Variants in NAPEPLD observed in about 807,000 individuals in gnomAD.
NAPEPLD encodes N-acyl phosphatidylethanolamine phospholipase D, also known as N-acyl-phosphatidylethanolamine-hydrolyzing phospholipase D.
A neutral mutation model predicts 38.1 loss-of-function variants in NAPEPLD; 23 were observed. The observed-to-expected ratio is 0.60, with a 90% CI of 0.43 to 0.86. NAPEPLD has a LOEUF of 0.86. NAPEPLD is among the 40% of genes least tolerant of loss of function. The probability of loss-of-function intolerance (pLI) is 0.00; values close to 1 mark genes in which losing one functional copy is unlikely to be tolerated. For missense variants in NAPEPLD, 411 were observed against 476.8 expected (o/e 0.86, Z 1.28); for synonymous variants, 147 against 162.0 (o/e 0.91, Z 0.71).
chr7:103,112,112 G>A (rs1804643246), intron 4 of NAPEPLD, among the ~76,000 whole-genome samples: 1 of 152,278 alleles, frequency 6.6e-6, no homozygotes, highest in Middle Eastern at 3.4e-3. Context: ...AACAGATGCT[G>A]GAGTGGATGT....
chr7:103,140,858 T>A (rs1449031710), intron 1 of NAPEPLD, among the ~76,000 whole-genome samples: 1 of 152,172 alleles, frequency 6.6e-6, no homozygotes, highest in Non-Finnish European at 1.5e-5. Flanking sequence ...AAACTCATGA[T>A]ACTAATGGTG....
chr7:103,126,608 G>GT (rs1807847050), intron 2 of NAPEPLD, among the ~76,000 whole-genome samples: 1 of 135,932 alleles, frequency 7.4e-6, no homozygotes, highest in Non-Finnish European at 1.6e-5. Context: ...AATTTTTTTT[G>GT]TTTTGTTTTG....
chr7:103,103,312 G>T lies in NAPEPLD; in HGVS notation c.*117C>A. 2.4e-6 allele frequency: 3 copies of T among 1,227,634 alleles called. No individual in the cohort carries two copies. Among genetic ancestry groups the T allele is most frequent in the Non-Finnish European group, 3.4e-6 (3 of 891,292 alleles). 76.0% of individuals were successfully genotyped at this position (1,227,634 alleles called of 1,614,324 possible). A position where few individuals can be genotyped will look rare whatever the true frequency, so the allele number is the denominator to read the frequency against. On this transcript the variant is annotated 3_prime_UTR_variant, in exon 5 of 5. Transcript: ENST00000465647. The stretch of plus-strand genomic sequence containing the variant: ...TACACAAAACATAAAACATAAACTT[G>T]CAGAAGTTGTTTCCAAATGTAAAAT...
At position 103,119,994 on chromosome 7, in the gene NAPEPLD, A is replaced by C. The variant is rs1390912632; in HGVS notation, c.524T>G (p.Leu175Arg). Residue 175 changes from leucine to arginine, a missense_variant, in exon 3 of 5, where the codon CTC becomes CGC. Physicochemically the swap from Leu to Arg is moderately radical, Grantham distance 102. Transcript: ENST00000465647. ...FRRSPCTISE[L>R]PPIDAVLISH... is the part of the protein sequence containing the mutation. ...GATAAGGACCGCATCTATTGGAGGGAGTTCACTTATTGTGCACGGGGAACG... is the reference window on the plus strand; with the variant it reads ...GATAAGGACCGCATCTATTGGAGGGCGTTCACTTATTGTGCACGGGGAACG... The C allele has an allele frequency of 2.5e-6, 4 of 1,614,070 alleles. No homozygotes were observed. The highest frequency in any genetic ancestry group is 1.3e-5 in the African/African-American group (1 of 74,910).
upstream of NAPEPLD, chr7:103,149,492 A>T: frequency 4.0e-6 from 5 of 1,263,818 alleles, no homozygotes; most frequent in Non-Finnish European, 5.1e-6. Context: ...CGTTGGGGCG[A>T]GTCGTCGCCG....
chr7:103,140,748 A>G (rs1371408898), intron 1 of NAPEPLD, among the ~76,000 whole-genome samples: 1 of 152,090 alleles, frequency 6.6e-6, no homozygotes, highest in Non-Finnish European at 1.5e-5. Context: ...GAAGGCTCTC[A>G]TTAGCTCAGA....
In NAPEPLD at chr7:103,102,558, T is replaced by A. The variant is rs928704903; in HGVS notation, c.*871A>T. The A allele has an allele frequency of 6.6e-6, 1 of 151,850 alleles. No homozygotes were observed. The highest frequency in any genetic ancestry group is 2.4e-5 in the African/African-American group (1 of 41,298). The allele number at this position is 151,850 out of a possible 1,614,324, so 9.4% of individuals were successfully genotyped here. On this transcript the variant is annotated 3_prime_UTR_variant, in exon 5 of 5. Transcript: ENST00000465647. Reference sequence around the variant, plus strand: ...ACGGGAGGTCACCATGTTGCCCAGGTTGATGTCAAACTCCTGGGTTCAAGT... The same window carrying A: ...ACGGGAGGTCACCATGTTGCCCAGGATGATGTCAAACTCCTGGGTTCAAGT...
Position 103,119,754 on chromosome 7 carries a change from C to T in NAPEPLD, c.764G>A (p.Cys255Tyr). 6.2e-7 allele frequency: 1 copy of T among 1,614,162 alleles called. No homozygotes were observed. Among genetic ancestry groups the T allele is most frequent in the South Asian group, 1.1e-5 (1 of 91,084 alleles). Residue 255 changes from cysteine to tyrosine, a missense_variant, in exon 3 of 5, where the codon TGT (cysteine) becomes TAT (tyrosine). Physicochemically the swap from Cys to Tyr is radical, Grantham distance 194 (BLOSUM62 -2). Coordinates refer to ENST00000465647, the MANE Select transcript of NAPEPLD (RefSeq NM_001122838.3). Reference sequence around the variant, plus strand: ...GTTGTCATCCATTAGAGTCCTTTTACACCAGTGCTGGGAAGGTGTAAAGAC... The same window carrying T: ...GTTGTCATCCATTAGAGTCCTTTTATACCAGTGCTGGGAAGGTGTAAAGAC... ...TFVFTPSQHW[C>Y]KRTLMDDNKV...
At chr7:103,135,453 T>A (rs1809825735) in intron 1 of NAPEPLD, among the ~76,000 whole-genome samples, 4 of 152,152 alleles carry the variant, frequency 2.6e-5, no homozygotes, top group Non-Finnish European at 4.4e-5. Flanking sequence ...GGCAGATACA[T>A]CCAAGCACAG....
chr7:103,119,186 C>T (rs2129528649), intron 3 of NAPEPLD, among the ~76,000 whole-genome samples: 1 of 152,282 alleles, frequency 6.6e-6, no homozygotes, highest in South Asian at 2.1e-4. Flanking sequence ...TGATCCCTTT[C>T]TTATGGTAAC....
chr7:103,140,547 C>T (rs900714573), intron 1 of NAPEPLD, among the ~76,000 whole-genome samples: 6 of 152,080 alleles, frequency 3.9e-5, no homozygotes, highest in African/African-American at 7.2e-5. Context: ...AGCCCGCCAC[C>T]ACGCCCGGCT....
At position 103,120,131 on chromosome 7, in the gene NAPEPLD, C is replaced by G. The variant is rs1806350770; in HGVS notation, c.387G>C (p.Trp129Cys). Residue 129 changes from tryptophan (W) to cysteine (C), a missense_variant, in exon 3 of 5, where the codon TGG (tryptophan) becomes TGC (cysteine). Transcript: ENST00000465647. Reference protein sequence around the residue: ...GVREAGLRVTWLGHATVMVEM... With the variant: ...GVREAGLRVTCLGHATVMVEM... ...CCACCATTACCGTGGCATGTCCCAG[C>G]CATGTGACTCTTAAGCCAGCTTCCC... 1.9e-6 allele frequency: 3 copies of G among 1,614,184 alleles called. No homozygotes were observed. The East Asian group carries it at 6.7e-5, about 36-fold the overall frequency.
chr7:103,143,972 G>A (rs867150655), intron 1 of NAPEPLD, among the ~76,000 whole-genome samples: 1 of 152,088 alleles, frequency 6.6e-6, no homozygotes, highest in Non-Finnish European at 1.5e-5. Flanking sequence ...CAGGAGCCAC[G>A]GCACCTGGTC....
chr7:103,117,767 G>A (rs1805853286), intron 3 of NAPEPLD, among the ~76,000 whole-genome samples: 1 of 151,882 alleles, frequency 6.6e-6, no homozygotes, highest in African/African-American at 2.4e-5. Flanking sequence ...CAGGAAAGGG[G>A]GATTATGTGA....
At chr7:103,104,652 A>T (rs933980265) in intron 4 of NAPEPLD, among the ~76,000 whole-genome samples, 3 of 152,254 alleles carry the variant, frequency 2.0e-5, no homozygotes, top group African/African-American at 7.2e-5. Context: ...TATGCTGGTT[A>T]TCCAATATTC....
intron 4 of NAPEPLD, among the ~76,000 whole-genome samples, chr7:103,109,946 C>G (rs1318831955): frequency 1.3e-5 from 2 of 152,118 alleles, no homozygotes; most frequent in African/African-American, 4.8e-5. Flanking sequence ...AACACCTCTA[C>G]GCAAATAAAG....
intron 2 of NAPEPLD, among the ~76,000 whole-genome samples, chr7:103,120,713 T>C (rs1010431763): frequency 5.1e-5 from 6 of 117,092 alleles, no homozygotes; most frequent in African/African-American, 2.0e-4. Context: ...TTTTTTTTTT[T>C]TTTTTTTTTT....
At chr7:103,148,001 C>CA in intron 1 of NAPEPLD, 2 of 984,046 alleles carry the variant, frequency 2.0e-6, no homozygotes, top group South Asian at 4.7e-5. Flanking sequence ...TTTCTTGCAA[C>CA]AAAAATCACA....
At position 103,120,218 on chromosome 7, in the gene NAPEPLD, T is replaced by C. The variant is rs1220963224; in HGVS notation, c.300A>G (p.Leu100=). 1 of 1,611,184 alleles carries C rather than the reference T, an allele frequency of 6.2e-7. No individual in the cohort carries two copies. Among genetic ancestry groups the C allele is most frequent in the East Asian group, 2.2e-5 (1 of 44,842 alleles). Residue 100 remains leucine, a synonymous_variant, in exon 3 of 5, where the codon CTA becomes CTG. Coordinates refer to ENST00000465647, the MANE Select transcript of NAPEPLD (RefSeq NM_001122838.3). The part of the protein sequence containing the change: ...HSSVPSSKEE[L]DKELPVLKPY... ...GCTTAAGCACTGGGAGTTCTTTGTC[T>C]AGTTCCTTTGTGTATAAAGAAAGCA... is the stretch of plus-strand genomic sequence containing the variant.
Sources: allele counts gnomAD v4.1 joint callset (sites outside exome capture counted in the v4.1 genomes callset), GRCh38; gene constraint gnomAD v4.1.1; transcripts MANE v1.5; gene names NCBI Gene and HGNC (gene_info 2026-07-23, HGNC 2026-07-21).